NUCKS1: variants seen among roughly 807,000 people sequenced by gnomAD.
NUCKS1 encodes nuclear casein kinase and cyclin dependent kinase substrate 1.
NUCKS1 carries 2 observed loss-of-function variants against 33.0 expected under a neutral mutation model. The ratio of observed to expected loss-of-function variants is 0.06; its 90% CI spans 0.02 to 0.19. The LOEUF is 0.19. Ranked by LOEUF, NUCKS1 falls within the 10% of genes least tolerant of loss-of-function variation. NUCKS1 has a pLI of 1.00. For missense variants in NUCKS1, 201 were observed against 293.6 expected, an observed-to-expected ratio of 0.68 and a Z score of 2.31; for synonymous variants, 106 against 102.8, an observed-to-expected ratio of 1.03 and a Z score of -0.19.
chr1:205,747,999 A>T (rs557778287), intron 1 of NUCKS1, among the ~76,000 whole-genome samples: 67 of 151,062 alleles, frequency 4.4e-4, no homozygotes, highest in African/African-American at 1.6e-3. Context: ...ATGGCAAAGA[A>T]AAAAAAAAAC....
At chr1:205,729,711 C>G in intron 1 of NUCKS1, 90 bp from the exon 2 acceptor site, 3 of 975,700 alleles carry the variant, frequency 3.1e-6, no homozygotes, top group South Asian at 1.3e-5. Context: ...ATAAACAGAA[C>G]TGAACTAGCA....
chr1:205,744,810 T>G (rs1654275575), intron 1 of NUCKS1, among the ~76,000 whole-genome samples: 1 of 151,986 alleles, frequency 6.6e-6, no homozygotes, highest in Non-Finnish European at 1.5e-5. Context: ...TTTTGTATTT[T>G]CAGTAGAGAC....
At chr1:205,746,339 T>C (rs1375706038) in intron 1 of NUCKS1, among the ~76,000 whole-genome samples, 4 of 152,222 alleles carry the variant, frequency 2.6e-5, no homozygotes, top group African/African-American at 9.7e-5. Context: ...TTGTAAATTA[T>C]GTATCTTTGA....
chr1:205,745,327 T>C lies in NUCKS1; in HGVS notation c.17+4630A>G, dbSNP rs376220444. Reference sequence around the variant, plus strand: ...CAGCCTGAGCAACATGGTGAAACCCTGTCTACAAAAAATTAGCCAGGCGTG... The same window carrying C: ...CAGCCTGAGCAACATGGTGAAACCCCGTCTACAAAAAATTAGCCAGGCGTG... On this transcript the variant is annotated intron_variant, in intron 1 of 6. Coordinates refer to ENST00000367142, the MANE Select transcript of NUCKS1 (RefSeq NM_022731.5). Among the ~76,000 whole-genome samples, 7 of 152,168 alleles carry C rather than the reference T, an allele frequency of 4.6e-5. No individual in the cohort carries two copies. In the East Asian group the frequency reaches 1.2e-3, roughly 25 times the overall value.
chr1:205,726,058 G>T (rs1356888262), intron 3 of NUCKS1, among the ~76,000 whole-genome samples: 1 of 152,088 alleles, frequency 6.6e-6, no homozygotes, highest in Non-Finnish European at 1.5e-5. Context: ...AATTAGCCAG[G>T]TGTGGTGGTG....
intron 3 of NUCKS1, among the ~76,000 whole-genome samples, chr1:205,726,094 G>A (rs1653768114): frequency 6.6e-6 from 1 of 152,142 alleles, no homozygotes; most frequent in Admixed American, 6.5e-5. Context: ...AGCTACTCAG[G>A]AGGCTGAGGC....
In NUCKS1 at chr1:205,740,401, T is replaced by C. The variant is rs957940514; in HGVS notation, c.17+9556A>G. ...TGGGAGGCAGAGATGGCAGGATTGCTTGAGTCCCAGGAGTTCAAGACCAGC... is the reference window on the plus strand; with the variant it reads ...TGGGAGGCAGAGATGGCAGGATTGCCTGAGTCCCAGGAGTTCAAGACCAGC... On this transcript the variant is annotated intron_variant, in intron 1 of 6. Coordinates refer to ENST00000367142, the MANE Select transcript of NUCKS1 (RefSeq NM_022731.5). Among the ~76,000 whole-genome samples the C allele has an allele frequency of 2.6e-5, 4 of 152,058 alleles. No homozygotes were observed. The East Asian group carries it at 7.8e-4, about 30-fold the overall frequency.
chr1:205,739,591 G>T (rs1418879706), intron 1 of NUCKS1, among the ~76,000 whole-genome samples: 1 of 152,000 alleles, frequency 6.6e-6, no homozygotes, highest in Non-Finnish European at 1.5e-5. Context: ...TCCCACCTCA[G>T]CCCCTACCCC....
intron 1 of NUCKS1, among the ~76,000 whole-genome samples, chr1:205,741,079 ACT>A (rs1387286576): frequency 6.6e-6 from 1 of 151,568 alleles, no homozygotes; most frequent in Non-Finnish European, 1.5e-5. Flanking sequence ...CGGGCGGATC[ACT>A]TGAGGTCAGG....
In NUCKS1 at chr1:205,719,590, C is replaced by A; in HGVS notation, c.469G>T (p.Val157Phe). The A allele has an allele frequency of 6.2e-7, 1 of 1,613,564 alleles. No individual in the cohort carries two copies. The change falls in exon 6 of 7, where the codon GTT becomes TTT. Residue 157 changes from valine to phenylalanine, a missense_variant. Coordinates refer to ENST00000367142, the MANE Select transcript of NUCKS1 (RefSeq NM_022731.5). The part of the protein sequence containing the change: ...GSSKKKNKKM[V>F]KKSKPERKEK... The stretch of plus-strand genomic sequence containing the variant: ...TTTCTTTCAGGTTTGGACTTCTTAA[C>A]CATCTTTTTGTTTTTCTTTTTCGAA...
intron 1 of NUCKS1, among the ~76,000 whole-genome samples, chr1:205,747,786 C>T (rs969467994): frequency 6.6e-6 from 1 of 152,144 alleles, no homozygotes; most frequent in Non-Finnish European, 1.5e-5. Context: ...AATATAGATT[C>T]TTCAATTATA....
At position 205,717,077 on chromosome 1, in the gene NUCKS1, G is replaced by C. The variant is rs763529248; in HGVS notation, c.*1203C>G. The C allele has an allele frequency of 6.4e-6, 1 of 156,300 alleles. No homozygotes were observed. The highest frequency in any genetic ancestry group is 2.4e-5 in the African/African-American group (1 of 41,502). The allele number at this position is 156,300 out of a possible 1,614,324, so 9.7% of individuals were successfully genotyped here. A position where few individuals can be genotyped will look rare whatever the true frequency, so the allele number is the denominator to read the frequency against. On this transcript the variant is annotated 3_prime_UTR_variant, in exon 7 of 7. Transcript: ENST00000367142. ...AGAGGTGGTTGGCACTCGGGGTAGG[G>C]TGTGCAGTGGTGCTCTACGAAGCAG...
Position 205,717,931 on chromosome 1 carries a change from A to G in NUCKS1, c.*349T>C, listed in dbSNP as rs1302403603. 1.0e-5 allele frequency: 10 copies of G among 999,342 alleles called. No homozygotes were observed. The highest frequency in any genetic ancestry group is 1.1e-5 in the Non-Finnish European group (9 of 839,574). 61.9% of individuals were successfully genotyped at this position (999,342 alleles called of 1,614,324 possible). On this transcript the variant is annotated 3_prime_UTR_variant, in exon 7 of 7. Transcript: ENST00000367142. ...TGTTCATCTCAAATCTTATTGCTTT[A>G]CAACCGTGGTACACCTTTCATTAAA...
chr1:205,742,837 A>G (rs1275575902), intron 1 of NUCKS1, among the ~76,000 whole-genome samples: 1 of 152,068 alleles, frequency 6.6e-6, no homozygotes, highest in Non-Finnish European at 1.5e-5. Context: ...AGAAAAAAAA[A>G]TAAATAAATA....
chr1:205,749,075 A>G (rs1179422174), intron 1 of NUCKS1, among the ~76,000 whole-genome samples: 1 of 152,106 alleles, frequency 6.6e-6, no homozygotes, highest in Non-Finnish European at 1.5e-5. Flanking sequence ...TTTATTACTA[A>G]AGTCACTCGG....
chr1:205,744,787 C>T (rs1317805558), intron 1 of NUCKS1, among the ~76,000 whole-genome samples: 2 of 152,058 alleles, frequency 1.3e-5, no homozygotes, highest in East Asian at 3.9e-4. Flanking sequence ...CATGCGCCAC[C>T]ACGCCTGGCT....
intron 1 of NUCKS1, among the ~76,000 whole-genome samples, chr1:205,735,579 C>T (rs1036109209): frequency 6.6e-6 from 1 of 152,146 alleles, no homozygotes; most frequent in Non-Finnish European, 1.5e-5. Context: ...CTTGAATTTA[C>T]GTCCTGACTC....
intron 1 of NUCKS1, 28 bp downstream of exon 1, chr1:205,749,929 C>G: frequency 6.2e-7 from 1 of 1,607,292 alleles, no homozygotes; most frequent in South Asian, 1.1e-5. Flanking sequence ...CCCTCCAACC[C>G]GCTCCAGGCC....
intron 1 of NUCKS1, 28 bp downstream of exon 1, chr1:205,749,929 C>A (rs372586263): frequency 3.7e-5 from 60 of 1,607,182 alleles, no homozygotes; most frequent in Non-Finnish European, 4.6e-5. Flanking sequence ...CCCTCCAACC[C>A]GCTCCAGGCC....
Sources: gnomAD v4.1 joint callset for allele counts (sites outside exome capture counted in the v4.1 genomes callset) on GRCh38, gnomAD v4.1.1 for gene constraint, MANE v1.5 for transcripts, NCBI Gene and HGNC (gene_info 2026-07-23, HGNC 2026-07-21) for gene names.